The following RABGAP1L variants were observed in gnomAD, a reference collection of about 807,000 sequenced individuals.
The protein encoded by RABGAP1L is rab GTPase-activating protein 1-like.
In RABGAP1L, 63 loss-of-function variants were observed where a neutral mutation model predicts 137.7. That is an observed-to-expected ratio of 0.46 (90% CI 0.37 to 0.56). The LOEUF (loss-of-function observed/expected upper bound fraction) is 0.56. Ranked by LOEUF, RABGAP1L falls within the 20% of genes least tolerant of loss-of-function variation. The pLI is 0.00. For missense variants in RABGAP1L, 1,095 were observed against 1,244.0 expected (o/e 0.88, Z 1.80); for synonymous variants, 431 against 433.7 (o/e 0.99, Z 0.08).
intron 18 of RABGAP1L, among the ~76,000 whole-genome samples, chr1:174,798,735 C>G (rs1688470700): frequency 6.6e-6 from 1 of 152,202 alleles, no homozygotes; most frequent in African/African-American, 2.4e-5. Flanking sequence ...AATACATGCT[C>G]TGGCTCTCTT....
intron 11 of RABGAP1L, among the ~76,000 whole-genome samples, chr1:174,334,877 G>T (rs1681342907): frequency 6.6e-6 from 1 of 152,122 alleles, no homozygotes; most frequent in Non-Finnish European, 1.5e-5. Flanking sequence ...GACTAGAAAA[G>T]CAGAGATAAC....
intron 13 of RABGAP1L, among the ~76,000 whole-genome samples, chr1:174,398,609 C>A (rs1490344438): frequency 9.9e-5 from 15 of 152,128 alleles, no homozygotes; most frequent in Non-Finnish European, 2.1e-4. Flanking sequence ...CAGTCTATCA[C>A]CCTTTTAAAG....
chr1:174,303,432 G>A (rs1298346559), intron 10 of RABGAP1L, among the ~76,000 whole-genome samples: 2 of 152,034 alleles, frequency 1.3e-5, no homozygotes, highest in Non-Finnish European at 2.9e-5. Flanking sequence ...ATTGTACTTT[G>A]TATTTAATAT....
chr1:174,671,887 G>A (rs1263347082), intron 14 of RABGAP1L, among the ~76,000 whole-genome samples: 2 of 152,014 alleles, frequency 1.3e-5, no homozygotes, highest in Non-Finnish European at 2.9e-5. Flanking sequence ...TGGTGTTAGT[G>A]TTTTAAATAT....
At chr1:174,197,487 A>G (rs1385176297) in intron 1 of RABGAP1L, among the ~76,000 whole-genome samples, 2 of 152,212 alleles carry the variant, frequency 1.3e-5, no homozygotes, top group Non-Finnish European at 2.9e-5. Flanking sequence ...TTGGAAAACC[A>G]TAGAATTTGT....
At chr1:174,979,515 C>T (rs1670920882) in intron 23 of RABGAP1L, among the ~76,000 whole-genome samples, 1 of 152,182 alleles carries the variant, frequency 6.6e-6, no homozygotes. Context: ...CAGTAGATCA[C>T]ACTTGGAACA....
In RABGAP1L at chr1:174,280,048, G is replaced by GAGAGAGAGA. The variant is rs1675362368; in HGVS notation, c.1323+1269_1323+1270insAGAGAGAGA. Reference sequence around the variant, plus strand: ...AGTACTTTTGACTGTCTGTCTGCCTGGAGAGAGAGAGAGAGAGAGAGAGAG... The same window carrying GAGAGAGAGA: ...AGTACTTTTGACTGTCTGTCTGCCTGAGAGAGAGAGAGAGAGAGAGAGAGAGAGAGAGAG... On this transcript the variant is annotated intron_variant, in intron 10 of 25. Coordinates refer to ENST00000681986, the MANE Select transcript of RABGAP1L (RefSeq NM_001366446.1). 2.6e-3 allele frequency among the ~76,000 whole-genome samples: 321 copies of GAGAGAGAGA among 125,306 alleles called. 5 individuals are homozygous for GAGAGAGAGA. Among genetic ancestry groups the GAGAGAGAGA allele is most frequent in the African/African-American group, 9.3e-3 (313 of 33,728 alleles). The allele number at this position is 125,306 out of a possible 152,430, so 82.2% of individuals were successfully genotyped here.
rs775821959 is a variant in RABGAP1L at position 174,193,733 on chromosome 1, C to T, written c.-33-25392C>T. Reference sequence around the variant, plus strand: ...AAAATAAAATGTCAGAAATATTCTTCATGTGTTTTGGGGAAGGGAGTATTA... The same window carrying T: ...AAAATAAAATGTCAGAAATATTCTTTATGTGTTTTGGGGAAGGGAGTATTA... On this transcript the variant is annotated intron_variant, in intron 1 of 25. Coordinates refer to ENST00000681986, the MANE Select transcript of RABGAP1L (RefSeq NM_001366446.1). 4.7e-4 allele frequency among the ~76,000 whole-genome samples: 72 copies of T among 152,074 alleles called. 1 individual carries two copies. Among genetic ancestry groups the T allele is most frequent in the Admixed American group, 1.8e-3 (28 of 15,278 alleles).
intron 21 of RABGAP1L, among the ~76,000 whole-genome samples, chr1:174,969,909 C>G (rs1362786044): frequency 6.6e-6 from 1 of 152,112 alleles, no homozygotes; most frequent in African/African-American, 2.4e-5. Context: ...CTTAAGCTGT[C>G]TATAGGTATA....
intron 13 of RABGAP1L, among the ~76,000 whole-genome samples, chr1:174,442,297 AAT>A (rs1460759137): frequency 6.6e-6 from 1 of 152,134 alleles, no homozygotes; most frequent in Non-Finnish European, 1.5e-5. Flanking sequence ...TGAAAGTCAA[AAT>A]ATTTCCCTAT....
chr1:174,736,344 TC>T (rs1290870834), intron 17 of RABGAP1L, among the ~76,000 whole-genome samples: 1 of 152,194 alleles, frequency 6.6e-6, no homozygotes, highest in Non-Finnish European at 1.5e-5. Context: ...TCCTAAATAA[TC>T]CTTGTTTCCA....
intron 13 of RABGAP1L, among the ~76,000 whole-genome samples, chr1:174,470,420 C>A (rs1373508259): frequency 6.6e-6 from 1 of 152,098 alleles, no homozygotes; most frequent in East Asian, 1.9e-4. Context: ...AGTTTTTATT[C>A]ATGCATCCAT....
intron 13 of RABGAP1L, among the ~76,000 whole-genome samples, chr1:174,551,915 C>T (rs1666571827): frequency 7.1e-6 from 1 of 141,518 alleles, no homozygotes; most frequent in Non-Finnish European, 1.5e-5. Flanking sequence ...CAACTTGATA[C>T]CCATAATTTA....
intron 1 of RABGAP1L, among the ~76,000 whole-genome samples, chr1:174,167,043 T>C (rs1014084990): frequency 2.0e-5 from 3 of 152,228 alleles, no homozygotes; most frequent in Non-Finnish European, 2.9e-5. Context: ...AATATGTAAA[T>C]GTTGTCCTAC....
At chr1:174,766,188 C>G (rs2148715655) in intron 18 of RABGAP1L, among the ~76,000 whole-genome samples, 1 of 152,242 alleles carries the variant, frequency 6.6e-6, no homozygotes, top group African/African-American at 2.4e-5. Flanking sequence ...CTGCTGACAC[C>G]TTGATCTTAG....
At chr1:174,892,864 G>C in intron 19 of RABGAP1L, among the ~76,000 whole-genome samples, 1 of 149,468 alleles carries the variant, frequency 6.7e-6, no homozygotes, top group South Asian at 2.1e-4. Flanking sequence ...CGAGTAGCTG[G>C]GATTACAGGC....
At chr1:174,951,192 A>G (rs945769492) in intron 19 of RABGAP1L, among the ~76,000 whole-genome samples, 1 of 152,224 alleles carries the variant, frequency 6.6e-6, no homozygotes, top group Non-Finnish European at 1.5e-5. Flanking sequence ...AAACTAGATG[A>G]TAACTAGACA....
intron 19 of RABGAP1L, among the ~76,000 whole-genome samples, chr1:174,930,977 G>A (rs1558246336): frequency 6.6e-6 from 1 of 151,972 alleles, no homozygotes; most frequent in African/African-American, 2.4e-5. Context: ...ACCAAGTAGG[G>A]GATAGTTTGG....
chr1:174,229,079 T>G (rs1670422602), intron 3 of RABGAP1L, among the ~76,000 whole-genome samples: 1 of 152,096 alleles, frequency 6.6e-6, no homozygotes, highest in African/African-American at 2.4e-5. Context: ...CAATCGTAGA[T>G]TCATTCATCA....
Sources: allele counts gnomAD v4.1 joint callset (sites outside exome capture counted in the v4.1 genomes callset), GRCh38; gene constraint gnomAD v4.1.1; transcripts MANE v1.5; gene names NCBI Gene and HGNC (gene_info 2026-07-23, HGNC 2026-07-21).